The following SMAD5 variants were observed in gnomAD, a reference collection of about 807,000 sequenced individuals.
SMAD5 encodes SMAD family member 5, also known as MAD, mothers against decapentaplegic homolog 5.
SMAD5 carries 9 observed loss-of-function variants against 43.1 expected under a neutral mutation model. That is an observed-to-expected ratio of 0.21 (90% CI 0.13 to 0.36). SMAD5 has a LOEUF of 0.36. SMAD5 is among the 10% of genes least tolerant of loss of function. SMAD5 has a pLI of 1.00. For missense variants in SMAD5, 348 were observed against 574.0 expected (o/e 0.61, Z 4.02); for synonymous variants, 190 against 192.4 (o/e 0.99, Z 0.10).
In SMAD5 at chr5:136,177,831, A is replaced by G. The variant is rs1754479817; in HGVS notation, c.*351A>G. On this transcript the variant is annotated 3_prime_UTR_variant, in exon 8 of 8. Transcript: ENST00000545279. ...ACATGATGAAAAATTATAGTAGCTT[A>G]TAAGAGGGCATATACAGTGAAGAGT... The G allele has an allele frequency of 1.0e-5, 2 of 199,378 alleles. No homozygotes were observed. The highest frequency in any genetic ancestry group is 9.5e-5 in the South Asian group (1 of 10,480). 12.4% of individuals were successfully genotyped at this position (199,378 alleles called of 1,614,324 possible). A position where few individuals can be genotyped will look rare whatever the true frequency, so the allele number is the denominator to read the frequency against.
rs1412224049 is a variant in SMAD5, at chr5:136,146,828, A to C, written c.-244-1004A>C. ...AGTTCCTTTAGAAACCTAGCTGTTA[A>C]ATATTAAGAGAATAGATGAGTAAAA... On this transcript the variant is annotated intron_variant, in intron 1 of 7. Transcript: ENST00000545279. Among the ~76,000 whole-genome samples, 3 of 151,810 alleles carry C rather than the reference A, an allele frequency of 2.0e-5. No homozygotes were observed. In the East Asian group the frequency reaches 5.8e-4, roughly 29 times the overall value.
At chr5:136,142,154 G>A (rs1197656994) in intron 1 of SMAD5, among the ~76,000 whole-genome samples, 2 of 152,132 alleles carry the variant, frequency 1.3e-5, no homozygotes, top group Non-Finnish European at 2.9e-5. Flanking sequence ...TCTTCTCGTG[G>A]AATTTACATT....
At chr5:136,156,119 T>C (rs2149770106) in intron 3 of SMAD5, among the ~76,000 whole-genome samples, 1 of 152,320 alleles carries the variant, frequency 6.6e-6, no homozygotes, top group Admixed American at 6.5e-5. Flanking sequence ...AAGGATCTGC[T>C]TCCAAGCCCA....
intron 1 of SMAD5, among the ~76,000 whole-genome samples, chr5:136,146,718 C>G (rs1753269037): frequency 6.6e-6 from 1 of 151,652 alleles, no homozygotes; most frequent in African/African-American, 2.4e-5. Flanking sequence ...GCAGAAAAGA[C>G]TAGGACAAAA....
chr5:136,153,583 C>A lies in SMAD5; in HGVS notation c.-169-9C>A. 1.9e-6 allele frequency: 1 copy of A among 537,030 alleles called. No homozygotes were observed. 33.3% of individuals were successfully genotyped at this position (537,030 alleles called of 1,614,324 possible). ...TTAAACTAGGATCCTTTCCCCCTTTCTCTTTCAGGACTTGACCCAATGAAA... is the reference window on the plus strand; with the variant it reads ...TTAAACTAGGATCCTTTCCCCCTTTATCTTTCAGGACTTGACCCAATGAAA... On this transcript the variant is annotated splice_polypyrimidine_tract_variant and intron_variant, in intron 2 of 7. Coordinates refer to ENST00000545279, the MANE Select transcript of SMAD5 (RefSeq NM_005903.7).
chr5:136,150,023 A>T (rs570876769), intron 2 of SMAD5, among the ~76,000 whole-genome samples: 3 of 152,008 alleles, frequency 2.0e-5, no homozygotes, highest in Middle Eastern at 3.4e-3. Flanking sequence ...AATCTTCTGC[A>T]GTACCATTGT....
chr5:136,167,412 CTCTT>C (rs1453491724), intron 5 of SMAD5, among the ~76,000 whole-genome samples: 2 of 152,076 alleles, frequency 1.3e-5, no homozygotes, highest in Non-Finnish European at 2.9e-5. Flanking sequence ...TTATTTTCCT[CTCTT>C]TCTTCTCATC....
intron 5 of SMAD5, among the ~76,000 whole-genome samples, chr5:136,166,471 A>G (rs1754017745): frequency 6.6e-6 from 1 of 152,134 alleles, no homozygotes; most frequent in Non-Finnish European, 1.5e-5. Context: ...ATCTCATTAT[A>G]TTAATTTGCC....
At chr5:136,150,521 T>C in intron 2 of SMAD5, among the ~76,000 whole-genome samples, 1 of 151,968 alleles carries the variant, frequency 6.6e-6, no homozygotes. Context: ...TTATGACTTA[T>C]TAATTAGTTT....
chr5:136,166,904 C>T (rs7730941), intron 5 of SMAD5, among the ~76,000 whole-genome samples: 3,546 of 152,250 alleles, frequency 0.023, 151 homozygotes, highest in African/African-American at 0.081. Flanking sequence ...AACCAAACAA[C>T]TGAGCCCCTT....
chr5:136,137,146 T>G (rs1489243572), intron 1 of SMAD5, among the ~76,000 whole-genome samples: 1 of 152,004 alleles, frequency 6.6e-6, no homozygotes, highest in African/African-American at 2.4e-5. Context: ...AGATGATATT[T>G]TGCAAGAAAG....
chr5:136,175,728 T>A lies in SMAD5; in HGVS notation c.1254+1096T>A, dbSNP rs1754393551. Among the ~76,000 whole-genome samples the A allele has an allele frequency of 2.6e-5, 4 of 152,276 alleles. No individual in the cohort carries two copies. The South Asian group carries it at 8.3e-4, about 32-fold the overall frequency. On this transcript the variant is annotated intron_variant, in intron 7 of 7. Coordinates refer to ENST00000545279, the MANE Select transcript of SMAD5 (RefSeq NM_005903.7). ...TTTTCTTTTTGGTATTCAGCCCCAG[T>A]CCAGTGTTTTCATGATACTTTGCTG...
intron 2 of SMAD5, chr5:136,152,639 A>G (rs865866600): frequency 6.6e-6 from 1 of 152,202 alleles, no homozygotes; most frequent in African/African-American, 2.4e-5. Context: ...AGCGATCTGC[A>G]GGAGATCTTA....
intron 1 of SMAD5, among the ~76,000 whole-genome samples, chr5:136,139,417 C>G (rs1443191054): frequency 1.3e-5 from 2 of 152,032 alleles, no homozygotes; most frequent in Non-Finnish European, 2.9e-5. Context: ...TCTGCATTTG[C>G]CAAATCAGTT....
Position 136,176,457 on chromosome 5 carries a change from C to CAAAAAAAAAAAAA in SMAD5, c.1255-866_1255-854dup, listed in dbSNP as rs60311104. 4.1e-4 allele frequency among the ~76,000 whole-genome samples: 28 copies of CAAAAAAAAAAAAA among 68,508 alleles called. 1 individual carries two copies. Among genetic ancestry groups the CAAAAAAAAAAAAA allele is most frequent in the African/African-American group, 1.2e-3 (24 of 20,620 alleles). The allele number at this position is 68,508 out of a possible 152,430, so 44.9% of individuals were successfully genotyped here. Reference sequence around the variant, plus strand: ...GCAACAAGAGAGAAACTCTGTCTCACAAAAAAAAAAAAAAAAAAAAAAAAA... The same window carrying CAAAAAAAAAAAAA: ...GCAACAAGAGAGAAACTCTGTCTCACAAAAAAAAAAAAAAAAAAAAAAAAAAAAAAAAAAAAAA... On this transcript the variant is annotated intron_variant, in intron 7 of 7. Transcript: ENST00000545279.
At chr5:136,142,446 G>A (rs1007801340) in intron 1 of SMAD5, among the ~76,000 whole-genome samples, 2 of 152,064 alleles carry the variant, frequency 1.3e-5, no homozygotes, top group Non-Finnish European at 2.9e-5. Flanking sequence ...CACTAATGAC[G>A]TTCTGTGTTC....
intron 2 of SMAD5, 77 bp from the exon 3 acceptor site, chr5:136,153,515 C>A: frequency 3.0e-6 from 1 of 328,694 alleles, no homozygotes; most frequent in Admixed American, 4.4e-5. Context: ...ATAAAATATG[C>A]CTTTCGATTA....
chr5:136,141,385 GTC>G (rs1753077946), intron 1 of SMAD5, among the ~76,000 whole-genome samples: 1 of 152,144 alleles, frequency 6.6e-6, no homozygotes, highest in South Asian at 2.1e-4. Context: ...CCCTTTCTCT[GTC>G]TCTCTGTGTT....
chr5:136,165,583 C>A (rs1032163290), intron 5 of SMAD5, among the ~76,000 whole-genome samples: 40 of 151,230 alleles, frequency 2.6e-4, no homozygotes, highest in African/African-American at 9.5e-4. Flanking sequence ...TTTCCCCCAG[C>A]CCTTGGCAAC....
Sources: gnomAD v4.1 joint callset for allele counts (sites outside exome capture counted in the v4.1 genomes callset) on GRCh38, gnomAD v4.1.1 for gene constraint, MANE v1.5 for transcripts, NCBI Gene and HGNC (gene_info 2026-07-23, HGNC 2026-07-21) for gene names.